The following NMNAT3 variants were observed in gnomAD, a reference collection of about 807,000 sequenced individuals.
NMNAT3 encodes the protein nicotinamide/nicotinic acid mononucleotide adenylyltransferase 3.
A neutral mutation model predicts 24.8 loss-of-function variants in NMNAT3; 21 were observed. That is an observed-to-expected ratio of 0.85 (90% confidence interval 0.60 to 1.22). The LOEUF is 1.22. Among genes scored for constraint, NMNAT3 ranks in the 50% most tolerant of loss-of-function variants. The pLI, the probability that NMNAT3 is intolerant of heterozygous loss-of-function variation, is 0.00. For missense variants in NMNAT3, 387 were observed against 436.6 expected, an observed-to-expected ratio of 0.89 and a Z score of 1.01; for synonymous variants, 136 against 155.2, an observed-to-expected ratio of 0.88 and a Z score of 0.92.
intron 4 of NMNAT3, among the ~76,000 whole-genome samples, chr3:139,581,522 A>C (rs954335435): frequency 9.9e-5 from 15 of 152,204 alleles, no homozygotes; most frequent in African/African-American, 3.6e-4. Context: ...TAAATGTATG[A>C]CCTATGGATA....
intron 1 of NMNAT3, among the ~76,000 whole-genome samples, chr3:139,647,022 A>T (rs1205891791): frequency 1.3e-5 from 2 of 152,236 alleles, no homozygotes; most frequent in Non-Finnish European, 2.9e-5. Context: ...GGGAAGATTT[A>T]AAAAATGTAT....
In NMNAT3 at chr3:139,677,766, G is replaced by C. The variant is rs527906001; in HGVS notation, c.-202C>G. On this transcript the variant is annotated 5_prime_UTR_variant, in exon 1 of 7. Coordinates refer to ENST00000643695, the MANE Select transcript of NMNAT3 (RefSeq NM_001320510.2). ...GTCTCGGGGGACTGCGGGGGACTAG[G>C]GGACCTGCTGGGCCTAGCAGGGGCT... 6.6e-6 allele frequency: 1 copy of C among 152,408 alleles called. No individual in the cohort carries two copies. The highest frequency in any genetic ancestry group is 1.5e-5 in the Non-Finnish European group (1 of 68,206). The allele number at this position is 152,408 out of a possible 1,614,324, so 9.4% of individuals were successfully genotyped here.
At chr3:139,565,798 T>C (rs1937106168) in intron 6 of NMNAT3, 2 of 152,238 alleles carry the variant, frequency 1.3e-5, no homozygotes, top group South Asian at 4.1e-4. Context: ...GTCTTCGCTA[T>C]TGTGAATAGT....
intron 2 of NMNAT3, among the ~76,000 whole-genome samples, chr3:139,631,026 C>G (rs1218189862): frequency 6.6e-6 from 1 of 152,122 alleles, no homozygotes; most frequent in African/African-American, 2.4e-5. Context: ...TTCCCAGAAA[C>G]TATAAATTAG....
chr3:139,569,282 T>C (rs914742981), intron 6 of NMNAT3: 8 of 150,674 alleles, frequency 5.3e-5, no homozygotes, highest in Non-Finnish European at 1.0e-4. Context: ...CTGATGGGTC[T>C]TGACTCTTTA....
rs373940902 is a variant in NMNAT3 at position 139,583,683 on chromosome 3, A to G, written c.110-475T>C. On this transcript the variant is annotated intron_variant, in intron 3 of 6. Coordinates refer to ENST00000643695, the MANE Select transcript of NMNAT3 (RefSeq NM_001320510.2). ...AGTTTGTGACTGTTTTGTTTCCACAAAGTTTGAATTATTTTCTTCACTTCA... is the reference window on the plus strand; with the variant it reads ...AGTTTGTGACTGTTTTGTTTCCACAGAGTTTGAATTATTTTCTTCACTTCA... 4 of 733,074 alleles carry G rather than the reference A, an allele frequency of 5.5e-6. No homozygotes were observed. In the South Asian group the frequency reaches 6.4e-5, roughly 12 times the overall value. 45.4% of individuals were successfully genotyped at this position (733,074 alleles called of 1,614,324 possible).
At chr3:139,574,558 C>T (rs912693780) in intron 5 of NMNAT3, among the ~76,000 whole-genome samples, 4 of 152,178 alleles carry the variant, frequency 2.6e-5, no homozygotes, top group Admixed American at 6.5e-5. Flanking sequence ...TCAATTTGAT[C>T]TTCCAACTTC....
intron 3 of NMNAT3, chr3:139,609,636 T>C (rs895143155): frequency 2.1e-5 from 3 of 142,870 alleles, no homozygotes; most frequent in African/African-American, 7.7e-5. Flanking sequence ...CCTTGTCGGA[T>C]ATGTGGTTTG....
At chr3:139,675,135 T>TACACACACACACACAAACACAC (rs1553766849) in intron 1 of NMNAT3, among the ~76,000 whole-genome samples, 2,594 of 148,290 alleles carry the variant, frequency 0.017, 29 homozygotes, top group South Asian at 0.028. Context: ...CTTTTAAACA[T>TACACACACACACACAAACACAC]ACACACACAC....
chr3:139,661,790 A>G (rs1465418147), intron 1 of NMNAT3, among the ~76,000 whole-genome samples: 1 of 152,218 alleles, frequency 6.6e-6, no homozygotes, highest in African/African-American at 2.4e-5. Context: ...AAGTATATGA[A>G]GGCACATTAT....
At chr3:139,662,604 C>T (rs1038054145) in intron 1 of NMNAT3, among the ~76,000 whole-genome samples, 1 of 152,170 alleles carries the variant, frequency 6.6e-6, no homozygotes, top group Admixed American at 6.5e-5. Context: ...CTCCTAGCTC[C>T]TGCTTCCTCT....
At chr3:139,658,930 C>A (rs2057330714) in intron 1 of NMNAT3, among the ~76,000 whole-genome samples, 1 of 152,162 alleles carries the variant, frequency 6.6e-6, no homozygotes, top group Admixed American at 6.5e-5. Flanking sequence ...CTCTCAATCC[C>A]CCTGCACCCC....
At chr3:139,601,095 A>T (rs759760235) in intron 3 of NMNAT3, among the ~76,000 whole-genome samples, 1 of 152,220 alleles carries the variant, frequency 6.6e-6, no homozygotes, top group East Asian at 1.9e-4. Context: ...GACAGGTTGT[A>T]ATCAGGCAGT....
intron 3 of NMNAT3, among the ~76,000 whole-genome samples, chr3:139,614,215 G>A (rs555534276): frequency 1.1e-4 from 17 of 151,100 alleles, no homozygotes; most frequent in Admixed American, 6.6e-5. Context: ...CTTTAGATGT[G>A]TATGTATACA....
intron 3 of NMNAT3, among the ~76,000 whole-genome samples, chr3:139,620,660 C>T (rs963143750): frequency 6.6e-6 from 1 of 152,062 alleles, no homozygotes; most frequent in African/African-American, 2.4e-5. Flanking sequence ...TTTCATTTCT[C>T]TTGTGTAAAT....
intron 1 of NMNAT3, among the ~76,000 whole-genome samples, chr3:139,673,140 G>C (rs544042297): frequency 2.0e-5 from 3 of 152,180 alleles, no homozygotes; most frequent in African/African-American, 7.2e-5. Context: ...CAGAGAAGGA[G>C]GAAACAAATA....
intron 3 of NMNAT3, among the ~76,000 whole-genome samples, chr3:139,593,380 C>T (rs941174118): frequency 3.9e-5 from 6 of 152,146 alleles, no homozygotes; most frequent in East Asian, 3.8e-4. Flanking sequence ...TAACACCCCA[C>T]TGTCAACATT....
rs2056118857 is a variant in NMNAT3, at chr3:139,627,738, T to C, written c.-14A>G. 1 of 1,551,216 alleles carries C rather than the reference T, an allele frequency of 6.4e-7. No individual in the cohort carries two copies. The highest frequency in any genetic ancestry group is 1.4e-5 in the African/African-American group (1 of 73,706). ...TCGGCTCTTCATCTTGTCAGGCACA[T>C]CCACACCTGTTGCAGTGGCCACCCT... On this transcript the variant is annotated 5_prime_UTR_variant, in exon 3 of 7. An upstream start codon of the reference 5' UTR is lost. Coordinates refer to ENST00000643695, the MANE Select transcript of NMNAT3 (RefSeq NM_001320510.2).
At chr3:139,631,308 C>A (rs537932921) in intron 2 of NMNAT3, among the ~76,000 whole-genome samples, 1 of 152,074 alleles carries the variant, frequency 6.6e-6, no homozygotes, top group African/African-American at 2.4e-5. Flanking sequence ...CCAAACCCAG[C>A]GAAATACAGT....
Sources: allele counts gnomAD v4.1 joint callset (sites outside exome capture counted in the v4.1 genomes callset), GRCh38; gene constraint gnomAD v4.1.1; transcripts MANE v1.5; gene names NCBI Gene and HGNC (gene_info 2026-07-23, HGNC 2026-07-21).